Variants in NVL observed in about 807,000 individuals in gnomAD.
NVL encodes nuclear valosin-containing protein-like.
Under a neutral mutation model 110.2 loss-of-function variants are expected in NVL, and 84 were observed. The ratio of observed to expected loss-of-function variants is 0.76; its 90% confidence interval spans 0.64 to 0.91. NVL has a LOEUF of 0.91. Among genes scored for constraint, NVL ranks in the 40% least tolerant of loss-of-function variants. The probability of loss-of-function intolerance (pLI) is 0.00; values close to 1 mark genes in which losing one functional copy is unlikely to be tolerated. For synonymous variants in NVL, 354 were observed against 361.1 expected, an observed-to-expected ratio of 0.98 and a Z score of 0.22; for missense variants, 882 against 1,035.9, an observed-to-expected ratio of 0.85 and a Z score of 2.04.
chr1:224,281,590 G>T (rs953617483), intron 15 of NVL, among the ~76,000 whole-genome samples: 2 of 151,506 alleles, frequency 1.3e-5, no homozygotes, highest in Admixed American at 6.6e-5. Flanking sequence ...GTGAGCTACT[G>T]CGCCTAGCCC....
chr1:224,310,193 A>G (rs1341910125), intron 5 of NVL, among the ~76,000 whole-genome samples: 4 of 151,926 alleles, frequency 2.6e-5, no homozygotes, highest in South Asian at 2.1e-4. Context: ...AAAAAAAAAA[A>G]AAAAGAAAGA....
chr1:224,287,800 C>T lies in NVL; in HGVS notation c.1769G>A (p.Arg590Lys), dbSNP rs756226427. Residue 590 changes from arginine (R) to lysine (K), a missense_variant, in exon 14 of 23, where the codon AGA becomes AAA. Physicochemically the swap from Arg to Lys is conservative, Grantham distance 26 (BLOSUM62 2). Transcript: ENST00000281701. ...CAATATTGCCATGGTGAGCTCCTCT[C>T]TAATGTCTTCCAGGGCACCAATATC... ...WADIGALEDI[R>K]EELTMAILAP... The T allele has an allele frequency of 1.9e-6, 3 of 1,614,132 alleles. No homozygotes were observed. The highest frequency in any genetic ancestry group is 3.3e-4 in the Middle Eastern group (2 of 6,054).
At chr1:224,240,045 G>A (rs921278842) in intron 19 of NVL, among the ~76,000 whole-genome samples, 2 of 145,696 alleles carry the variant, frequency 1.4e-5, no homozygotes, top group Non-Finnish European at 3.0e-5. Context: ...ACAGGCATGC[G>A]CTACCACGCT....
chr1:224,236,383 C>A, intron 20 of NVL, 123 bp downstream of exon 20: 1 of 720,946 alleles, frequency 1.4e-6, no homozygotes, highest in Admixed American at 2.2e-5. Context: ...ACTTTATGTG[C>A]TTCATGGGAT....
At chr1:224,301,723 C>A in intron 9 of NVL, 1 of 328,506 alleles carries the variant, frequency 3.0e-6, no homozygotes, top group South Asian at 2.2e-5. Context: ...TCATTTGAGC[C>A]TGAGAAGTCA....
chr1:224,257,516 C>CTGTT (rs113413944), intron 18 of NVL, among the ~76,000 whole-genome samples: 625 of 7,652 alleles, frequency 0.082, 3 homozygotes, highest in Admixed American at 0.11. Context: ...TTTTGTTTGT[C>CTGTT]TGTTTGTTTG....
intron 18 of NVL, among the ~76,000 whole-genome samples, chr1:224,267,814 T>C (rs1364197600): frequency 6.6e-6 from 1 of 152,186 alleles, no homozygotes; most frequent in Admixed American, 6.5e-5. Context: ...CTATAGCTTA[T>C]GCAAAAGCTT....
chr1:224,281,074 AC>A (rs1285176303), intron 16 of NVL, 48 bp downstream of exon 16: 2 of 1,482,580 alleles, frequency 1.3e-6, no homozygotes, highest in Non-Finnish European at 1.9e-6. Context: ...AATTTGCATG[AC>A]CATTACTTTT....
rs766412688 is a variant in NVL at position 224,287,979 on chromosome 1, C to A, written c.1590G>T (p.Arg530Ser). ...CTTGGTCTCTTAGCAACCCCAGCAGCCTTTGTAATTCATCCTTGAAGGGAA... is the reference window on the plus strand; with the variant it reads ...CTTGGTCTCTTAGCAACCCCAGCAGACTTTGTAATTCATCCTTGAAGGGAA... ...PTSETQDELQ[R>S]LLGLLRDQDP... The change falls in exon 14 of 23, where the codon AGG (arginine) becomes AGT (serine). Residue 530 changes from arginine (R) to serine (S), a missense_variant. This residue lies in a region of NVL where 416 missense variants were observed against 499.3 expected (regional missense o/e 0.83). Coordinates refer to ENST00000281701, the MANE Select transcript of NVL (RefSeq NM_002533.4). 4 of 1,612,946 alleles carry A rather than the reference C, an allele frequency of 2.5e-6. No homozygotes were observed. In the South Asian group the frequency reaches 3.3e-5, roughly 13 times the overall value.
In NVL at chr1:224,289,608, C is replaced by T. The variant is rs199638209; in HGVS notation, c.1451G>A (p.Cys484Tyr). 16 of 1,614,116 alleles carry T rather than the reference C, an allele frequency of 9.9e-6. No individual in the cohort carries two copies. The African/African-American group carries it at 1.6e-4, about 16-fold the overall frequency. Residue 484 changes from cysteine to tyrosine, a missense_variant, in exon 13 of 23, where the codon TGT becomes TAT. By Grantham distance (194) the Cys-to-Tyr change is radical. Transcript: ENST00000281701. ...LMALCREAAMCAVNRVLMKLQ... is the reference protein window; with the variant it reads ...LMALCREAAMYAVNRVLMKLQ... ...CTTCATTAAGACTCTATTGACTGCA[C>T]ACATTGCTGCCTCTCGGCACAGTGC... is the stretch of plus-strand genomic sequence containing the variant.
intron 18 of NVL, among the ~76,000 whole-genome samples, chr1:224,250,573 A>G (rs1314121200): frequency 6.6e-6 from 1 of 151,738 alleles, no homozygotes; most frequent in East Asian, 1.9e-4. Flanking sequence ...ATTAATTTTT[A>G]TTTCAATAGG....
intron 17 of NVL, among the ~76,000 whole-genome samples, chr1:224,270,702 A>G (rs555167920): frequency 3.2e-4 from 48 of 152,360 alleles, no homozygotes; most frequent in African/African-American, 1.1e-3. Context: ...TAATGTAAAA[A>G]AAGAAAAAGA....
chr1:224,314,410 A>G (rs1002369216), intron 4 of NVL, among the ~76,000 whole-genome samples: 12 of 152,260 alleles, frequency 7.9e-5, no homozygotes, highest in Admixed American at 1.3e-4. Context: ...TCCTGTAGAC[A>G]TTAAAAGGAT....
chr1:224,324,719 C>T (rs550014210), intron 2 of NVL, among the ~76,000 whole-genome samples: 5 of 152,170 alleles, frequency 3.3e-5, no homozygotes, highest in Non-Finnish European at 7.3e-5. Flanking sequence ...GTCCTTGCAT[C>T]TGGCCTGATT....
At chr1:224,325,335 G>T (rs1671042838) in intron 2 of NVL, among the ~76,000 whole-genome samples, 1 of 151,834 alleles carries the variant, frequency 6.6e-6, no homozygotes, top group African/African-American at 2.4e-5. Flanking sequence ...ACTTAGGGAG[G>T]CGAAGGTGGA....
At chr1:224,283,304 G>A (rs1285668706) in intron 15 of NVL, among the ~76,000 whole-genome samples, 4 of 152,074 alleles carry the variant, frequency 2.6e-5, no homozygotes, top group Non-Finnish European at 5.9e-5. Flanking sequence ...TGGCTAATGC[G>A]GCAAAACCCC....
chr1:224,229,763 T>C (rs1259652468), intron 22 of NVL, among the ~76,000 whole-genome samples: 1 of 152,196 alleles, frequency 6.6e-6, no homozygotes, highest in Non-Finnish European at 1.5e-5. Context: ...ACATTTTAAA[T>C]GTTGGGTGGC....
In NVL at chr1:224,284,669, C is replaced by T. The variant is rs560612738; in HGVS notation, c.1899+1357G>A. Among the ~76,000 whole-genome samples, 5 of 152,196 alleles carry T rather than the reference C, an allele frequency of 3.3e-5. No homozygotes were observed. In the East Asian group the frequency reaches 9.7e-4, roughly 29 times the overall value. On this transcript the variant is annotated intron_variant, in intron 15 of 22. Transcript: ENST00000281701. ...TGCTGGGGTTACAGGCATGAGCTAC[C>T]ATGCCTGGCCAAAAAAACACTAGTA...
At chr1:224,240,967 T>C (rs139848034) in intron 19 of NVL, among the ~76,000 whole-genome samples, 1,778 of 151,840 alleles carry the variant, frequency 0.012, 31 homozygotes, top group African/African-American at 0.04. Flanking sequence ...ATTTTTTGTA[T>C]GTTTAGTAGA....
Sources: gnomAD v4.1 joint callset for allele counts (sites outside exome capture counted in the v4.1 genomes callset) on GRCh38, gnomAD v4.1.1 for gene constraint, gnomAD v4.1.1 regional missense constraint, MANE v1.5 for transcripts, NCBI Gene and HGNC (gene_info 2026-07-23, HGNC 2026-07-21) for gene names.